Variants in XRRA1 observed in about 807,000 individuals in gnomAD.
XRRA1 encodes the protein X-ray radiation resistance associated 1.
XRRA1 carries 69 observed loss-of-function variants against 80.2 expected under a neutral mutation model. The ratio of observed to expected loss-of-function variants is 0.86; its 90% CI spans 0.71 to 1.05. XRRA1 has a LOEUF of 1.05. Ranked by LOEUF, XRRA1 falls within the 50% of genes least tolerant of loss-of-function variation. XRRA1 has a pLI of 0.00. For synonymous variants in XRRA1, 348 were observed against 389.9 expected, an observed-to-expected ratio of 0.89 and a Z score of 1.27; for missense variants, 967 against 976.4, an observed-to-expected ratio of 0.99 and a Z score of 0.13.
chr11:74,883,926 G>C (rs151093230), intron 10 of XRRA1, among the ~76,000 whole-genome samples: 40 of 152,296 alleles, frequency 2.6e-4, no homozygotes, highest in African/African-American at 8.2e-4. Context: ...AGCCAGGCAC[G>C]GTAGCTTATG....
intron 10 of XRRA1, among the ~76,000 whole-genome samples, chr11:74,897,712 A>G (rs1056366329): frequency 1.3e-5 from 2 of 150,970 alleles, no homozygotes; most frequent in African/African-American, 2.4e-5. Flanking sequence ...CTGCTAAAAA[A>G]AAAAAAAAAA....
intron 10 of XRRA1, among the ~76,000 whole-genome samples, chr11:74,883,081 T>A (rs1459955173): frequency 3.3e-5 from 5 of 152,230 alleles, no homozygotes; most frequent in Non-Finnish European, 4.4e-5. Flanking sequence ...TAATCAAGCC[T>A]GGGCAATGGC....
At chr11:74,881,666 C>CA (rs2047622747) in intron 10 of XRRA1, among the ~76,000 whole-genome samples, 1 of 151,942 alleles carries the variant, frequency 6.6e-6, no homozygotes, top group Non-Finnish European at 1.5e-5. Flanking sequence ...CTGGTGGTGA[C>CA]AAAAATCCCT....
chr11:74,907,139 C>G lies in XRRA1; in HGVS notation c.785+6G>C. The G allele has an allele frequency of 6.2e-7, 1 of 1,613,406 alleles. No homozygotes were observed. Among genetic ancestry groups the G allele is most frequent in the Non-Finnish European group, 8.5e-7 (1 of 1,179,840 alleles). Reference sequence around the variant, plus strand: ...AGGCCCAGCAGAGAAAGGCTTATGGCTTTACCTCCTGAGCCCAGCCAGGCT... The same window carrying G: ...AGGCCCAGCAGAGAAAGGCTTATGGGTTTACCTCCTGAGCCCAGCCAGGCT... On this transcript the variant is annotated splice_donor_region_variant and intron_variant, in intron 9 of 18. Transcript: ENST00000684022.
chr11:74,892,613 C>A (rs1296873221), intron 10 of XRRA1, among the ~76,000 whole-genome samples: 1 of 152,066 alleles, frequency 6.6e-6, no homozygotes, highest in Non-Finnish European at 1.5e-5. Flanking sequence ...TCAGAGTGAA[C>A]AGGCAACCTA....
At position 74,843,191 on chromosome 11, in the gene XRRA1, T is replaced by G. The variant is rs761014061; in HGVS notation, c.*9A>C. ...GGCCGGGTGGTGCACACAGCCCCCATGCACAGCTCTAGCCTTGTGAGTCAC... is the reference window on the plus strand; with the variant it reads ...GGCCGGGTGGTGCACACAGCCCCCAGGCACAGCTCTAGCCTTGTGAGTCAC... On this transcript the variant is annotated 3_prime_UTR_variant, in exon 19 of 19. Transcript: ENST00000684022. 2 of 1,551,434 alleles carry G rather than the reference T, an allele frequency of 1.3e-6. No homozygotes were observed. Among genetic ancestry groups the G allele is most frequent in the Non-Finnish European group, 1.7e-6 (2 of 1,147,014 alleles).
rs752502822 is a variant in XRRA1 at position 74,851,084 on chromosome 11, C to G, written c.1380+4G>C. 4 of 1,604,712 alleles carry G rather than the reference C, an allele frequency of 2.5e-6. No homozygotes were observed. The Admixed American group carries it at 6.8e-5, about 27-fold the overall frequency. On this transcript the variant is annotated splice_donor_region_variant and intron_variant, in intron 14 of 18. Coordinates refer to ENST00000684022, the MANE Select transcript of XRRA1 (RefSeq NM_001378157.1). ...GGGTGGGAGTCCTGCCTTGGAAGCC[C>G]TACCTTCCATGATTCCTTCCGAGAC...
At chr11:74,878,948 T>C (rs1311811604) in intron 10 of XRRA1, among the ~76,000 whole-genome samples, 6 of 151,718 alleles carry the variant, frequency 4.0e-5, no homozygotes, top group Admixed American at 2.0e-4. Flanking sequence ...GCGATGTGGG[T>C]TCTTTTTTGG....
chr11:74,889,333 C>A (rs2049998591), intron 10 of XRRA1, among the ~76,000 whole-genome samples: 1 of 152,128 alleles, frequency 6.6e-6, no homozygotes, highest in South Asian at 2.1e-4. Context: ...GAAATAAAAT[C>A]CTTTACAGAC....
At chr11:74,934,952 C>G (rs1944574062) in intron 4 of XRRA1, among the ~76,000 whole-genome samples, 2 of 152,108 alleles carry the variant, frequency 1.3e-5, no homozygotes, top group South Asian at 4.2e-4. Context: ...TCCTAATAAC[C>G]ACTACTCCTC....
In XRRA1 at chr11:74,938,288, T is replaced by C. The variant is rs906209105; in HGVS notation, c.95-1220A>G. 4.6e-5 allele frequency among the ~76,000 whole-genome samples: 7 copies of C among 152,312 alleles called. No homozygotes were observed. The South Asian group carries it at 1.0e-3, about 23-fold the overall frequency. ...TCATTTCCCATTTCCATTATGGGCC[T>C]GATACTCCAGTTACCCCATTTCCCA... On this transcript the variant is annotated intron_variant, in intron 3 of 18. Coordinates refer to ENST00000684022, the MANE Select transcript of XRRA1 (RefSeq NM_001378157.1).
At chr11:74,844,123 C>T (rs752985273) in intron 17 of XRRA1, 45 bp downstream of exon 17, 68 of 1,562,366 alleles carry the variant, frequency 4.4e-5, no homozygotes, top group Middle Eastern at 3.4e-4. Context: ...TAATTGTGGG[C>T]GGTACTCAGG....
At position 74,842,991 on chromosome 11, in the gene XRRA1, T is replaced by C; in HGVS notation, c.*209A>G. 1.6e-6 allele frequency: 1 copy of C among 631,196 alleles called. No homozygotes were observed. The highest frequency in any genetic ancestry group is 2.7e-6 in the Non-Finnish European group (1 of 372,952). The allele number at this position is 631,196 out of a possible 1,614,324, so 39.1% of individuals were successfully genotyped here. A position where few individuals can be genotyped will look rare whatever the true frequency, so the allele number is the denominator to read the frequency against. Reference sequence around the variant, plus strand: ...TATTGCCCTGTGCACCCACTCTTTATTGCCGCTGGGCCAGGCACCAGGTCA... The same window carrying C: ...TATTGCCCTGTGCACCCACTCTTTACTGCCGCTGGGCCAGGCACCAGGTCA... On this transcript the variant is annotated 3_prime_UTR_variant, in exon 19 of 19. Transcript: ENST00000684022.
chr11:74,877,533 AC>A (rs1202189900), intron 10 of XRRA1, among the ~76,000 whole-genome samples: 1 of 151,826 alleles, frequency 6.6e-6, no homozygotes, highest in Admixed American at 6.6e-5. Context: ...ACATATGTAT[AC>A]ATGTGCCATG....
At chr11:74,844,078 G>A (rs955771697) in intron 17 of XRRA1, 90 bp downstream of exon 17, 1 of 1,458,346 alleles carries the variant, frequency 6.9e-7, no homozygotes, top group Admixed American at 1.7e-5. Flanking sequence ...GGAAAGCATG[G>A]CCCTCAGAGG....
intron 10 of XRRA1, among the ~76,000 whole-genome samples, chr11:74,865,484 A>T (rs2043206379): frequency 6.6e-6 from 1 of 152,144 alleles, no homozygotes; most frequent in Non-Finnish European, 1.5e-5. Flanking sequence ...ATCTGTGCGG[A>T]GACATGCAGG....
intron 10 of XRRA1, among the ~76,000 whole-genome samples, chr11:74,899,579 G>A (rs764959045): frequency 6.6e-6 from 1 of 152,106 alleles, no homozygotes; most frequent in African/African-American, 2.4e-5. Context: ...AGATATTACA[G>A]CTGTTACTGA....
At position 74,845,220 on chromosome 11, in the gene XRRA1, C is replaced by A; in HGVS notation, c.1780G>T (p.Glu594Ter). ...GTTGGTGGTTTCTTTTGGTCTTTCT[C>A]CTTTAACTCTAAATCATCCTTATGG... Reference protein sequence around the residue: ...VIHKDDLELKEKDQKKPPTAP... With the variant: ...VIHKDDLELK The change falls in exon 16 of 19, where the codon GAG becomes TAG. Residue 594 changes from glutamate to a stop codon, truncating the protein, a stop_gained. Coordinates refer to ENST00000684022, the MANE Select transcript of XRRA1 (RefSeq NM_001378157.1). LOFTEE classifies it high-confidence loss of function. The A allele has an allele frequency of 6.2e-7, 1 of 1,613,960 alleles. No homozygotes were observed. The highest frequency in any genetic ancestry group is 8.5e-7 in the Non-Finnish European group (1 of 1,179,872).
At chr11:74,883,230 C>T (rs2136851823) in intron 10 of XRRA1, among the ~76,000 whole-genome samples, 1 of 152,348 alleles carries the variant, frequency 6.6e-6, no homozygotes, top group East Asian at 1.9e-4. Flanking sequence ...GTTTTTTAAG[C>T]CCGTTGGAAA....
Sources: allele counts gnomAD v4.1 joint callset (sites outside exome capture counted in the v4.1 genomes callset), GRCh38; gene constraint gnomAD v4.1.1; transcripts MANE v1.5; gene names NCBI Gene and HGNC (gene_info 2026-07-23, HGNC 2026-07-21).